ERCC6: variants seen among roughly 807,000 people sequenced by gnomAD.
ERCC6 encodes DNA excision repair protein ERCC-6.
A neutral mutation model predicts 158.7 loss-of-function variants in ERCC6; 116 were observed. The ratio of observed to expected loss-of-function variants is 0.73; its 90% CI spans 0.63 to 0.85. ERCC6 has a LOEUF of 0.85. ERCC6 is among the 40% of genes least tolerant of loss of function. The pLI, the probability that ERCC6 is intolerant of heterozygous loss-of-function variation, is 0.00. For missense variants in ERCC6, 1,698 were observed against 1,799.4 expected (o/e 0.94, Z 1.02); for synonymous variants, 678 against 659.3 (o/e 1.03, Z -0.43).
chr10:49,462,617 A>T (rs1335377215), intron 18 of ERCC6, among the ~76,000 whole-genome samples: 1 of 152,218 alleles, frequency 6.6e-6, no homozygotes, highest in African/African-American at 2.4e-5. Flanking sequence ...AACTCTTTAA[A>T]ACCAAGGGGA....
chr10:49,450,150 TG>T (rs957704108), downstream of ERCC6, among the ~76,000 whole-genome samples: 3 of 152,244 alleles, frequency 2.0e-5, no homozygotes, highest in African/African-American at 7.2e-5. Context: ...ACTACAGGCA[TG>T]GGCCGTCATA....
chr10:49,491,505 G>A (rs1851172447), intron 8 of ERCC6, among the ~76,000 whole-genome samples: 1 of 152,146 alleles, frequency 6.6e-6, no homozygotes, highest in African/African-American at 2.4e-5. Context: ...GTCTGTGAAG[G>A]TAAAACAACC....
chr10:49,537,948 C>CTGAA (rs1298498408), intron 1 of ERCC6, among the ~76,000 whole-genome samples: 1 of 152,222 alleles, frequency 6.6e-6, no homozygotes, highest in Non-Finnish European at 1.5e-5. Context: ...TCTCGAACTC[C>CTGAA]TGACCTCGGG....
chr10:49,473,830 G>A (rs1850826733), intron 13 of ERCC6, among the ~76,000 whole-genome samples, 197 bp downstream of exon 13: 2 of 152,174 alleles, frequency 1.3e-5, no homozygotes, highest in African/African-American at 2.4e-5. Context: ...ATCACATGGT[G>A]AGCTTTTTTA....
intron 5 of ERCC6, 120 bp from the exon 6 acceptor site, chr10:49,506,132 C>T (rs1851439035): frequency 9.0e-7 from 1 of 1,109,364 alleles, no homozygotes; most frequent in Non-Finnish European, 1.3e-6. Flanking sequence ...TAGGTTAATG[C>T]TGCCATTATT....
chr10:49,461,653 CAA>C (rs1850586183), intron 18 of ERCC6, 97 bp from the exon 19 acceptor site: 7 of 1,202,740 alleles, frequency 5.8e-6, no homozygotes, highest in Non-Finnish European at 8.3e-6. Flanking sequence ...TAGACAAAAA[CAA>C]AGTGATAGTA....
At chr10:49,436,594 T>G in the ERCC6 span, among the ~76,000 whole-genome samples, 1 of 152,196 alleles carries the variant, frequency 6.6e-6, no homozygotes, top group Non-Finnish European at 1.5e-5. Flanking sequence ...AAGGTCAGAA[T>G]GAGATTTTAA....
At chr10:49,475,393 C>T in intron 12 of ERCC6, 1 of 446,944 alleles carries the variant, frequency 2.2e-6, no homozygotes, top group Non-Finnish European at 4.5e-6. Flanking sequence ...AGTTTGCATT[C>T]CCTTTCCTGG....
Position 49,524,199 on chromosome 10 carries a change from C to A in ERCC6, c.1231G>T (p.Gly411Trp). 1 of 1,614,156 alleles carries A rather than the reference C, an allele frequency of 6.2e-7. No individual in the cohort carries two copies. Among genetic ancestry groups the A allele is most frequent in the Non-Finnish European group, 8.5e-7 (1 of 1,180,034 alleles). ...DYELKPLPKG[G>W]KRQKKVPVQE... is the part of the protein sequence containing the mutation. ...ACTGGCACTTTCTTCTGCCGTTTCC[C>A]GCCCTTGGGCAGAGGCTTCAGCTCA... The change falls in exon 5 of 21, where the codon GGG becomes TGG. Residue 411 changes from glycine (G) to tryptophan (W), a missense_variant. Transcript: ENST00000355832.
downstream of ERCC6, among the ~76,000 whole-genome samples, chr10:49,452,327 T>C (rs911661620): frequency 5.3e-5 from 8 of 152,102 alleles, no homozygotes; most frequent in African/African-American, 1.2e-4. Context: ...GATTACCTTC[T>C]TGTTTTCTTC....
chr10:49,516,773 C>T, intron 5 of ERCC6: 1 of 1,614,066 alleles, frequency 6.2e-7, no homozygotes, highest in Non-Finnish European at 8.5e-7. Context: ...CGGCTTTTTT[C>T]CATTTGCAAA....
intron 18 of ERCC6, among the ~76,000 whole-genome samples, chr10:49,465,792 T>C (rs1001310740): frequency 6.6e-6 from 1 of 152,194 alleles, no homozygotes; most frequent in African/African-American, 2.4e-5. Flanking sequence ...TTGTAAAGCC[T>C]CCCCAGTCAT....
At position 49,528,519 on chromosome 10, in the gene ERCC6, G is replaced by C; in HGVS notation, c.550C>G (p.Gln184Glu). 2 of 1,614,114 alleles carry C rather than the reference G, an allele frequency of 1.2e-6. No homozygotes were observed. The highest frequency in any genetic ancestry group is 1.7e-6 in the Non-Finnish European group (2 of 1,180,008). ...VKRQKYNKEQQLKKITAKQKH... is the reference protein window; with the variant it reads ...VKRQKYNKEQELKKITAKQKH... ...TGTTTTGCAGTGATCTTTTTTAGCT[G>C]TTGTTCCTTGAATGGTAAATATAGA... The change falls in exon 4 of 21, where the codon CAG (glutamine) becomes GAG (glutamate). Residue 184 changes from glutamine to glutamate, a missense_variant. By Grantham distance (29) the Gln-to-Glu change is conservative (BLOSUM62 2). Transcript: ENST00000355832.
chr10:49,468,456 C>T (rs1346025513), intron 18 of ERCC6, among the ~76,000 whole-genome samples: 1 of 152,148 alleles, frequency 6.6e-6, no homozygotes, highest in Non-Finnish European at 1.5e-5. Context: ...AGATCACTGC[C>T]CTTTGGTGTC....
intron 10 of ERCC6, 32 bp from the exon 11 acceptor site, chr10:49,478,502 A>T (rs200038908): frequency 1.2e-5 from 16 of 1,309,526 alleles, no homozygotes; most frequent in Non-Finnish European, 1.7e-5. Context: ...GAACATTACT[A>T]TATATGTTTA....
intron 8 of ERCC6, chr10:49,488,375 T>C (rs534363928): frequency 1.3e-5 from 2 of 153,590 alleles, no homozygotes; most frequent in South Asian, 4.1e-4. Flanking sequence ...CAGGATTTAC[T>C]GCACCTGTAA....
At chr10:49,472,599 T>C in intron 15 of ERCC6, 129 bp from the exon 16 acceptor site, 2 of 940,070 alleles carry the variant, frequency 2.1e-6, no homozygotes, top group Non-Finnish European at 3.4e-6. Context: ...TGACGTCAAG[T>C]ACACCTAAGG....
Position 49,472,429 on chromosome 10 carries a change from C to G in ERCC6, c.2871G>C (p.Val957=). ...RAWRIGQKKQ[V]TVYRLLTAGT... ...CCGCAGTCAGGAGCCTGTACACAGT[C>G]ACTTGCTTCTTCTGGCCTATTCTCC... is the stretch of plus-strand genomic sequence containing the variant. The change falls in exon 16 of 21, where the codon GTG becomes GTC. Residue 957 remains valine, a synonymous_variant. Coordinates refer to ENST00000355832, the MANE Select transcript of ERCC6 (RefSeq NM_000124.4). 3 of 1,614,162 alleles carry G rather than the reference C, an allele frequency of 1.9e-6. No homozygotes were observed. Among genetic ancestry groups the G allele is most frequent in the Non-Finnish European group, 2.5e-6 (3 of 1,180,038 alleles).
intron 5 of ERCC6, among the ~76,000 whole-genome samples, chr10:49,521,519 T>C (rs1178330249): frequency 6.6e-6 from 1 of 152,178 alleles, no homozygotes; most frequent in African/African-American, 2.4e-5. Context: ...ATGGAAACCG[T>C]GGTAGCACAA....
Sources: allele counts gnomAD v4.1 joint callset (sites outside exome capture counted in the v4.1 genomes callset), GRCh38; gene constraint gnomAD v4.1.1; transcripts MANE v1.5; gene names NCBI Gene and HGNC (gene_info 2026-07-23, HGNC 2026-07-21).